The following RALA variants were observed in gnomAD, a reference collection of about 807,000 sequenced individuals.
RALA encodes ras-related protein Ral-A.
In RALA, 5 loss-of-function variants were observed where a neutral mutation model predicts 24.0. The observed-to-expected ratio is 0.21, with a 90% confidence interval of 0.11 to 0.44. RALA has a LOEUF of 0.44. Ranked by LOEUF, RALA falls within the 20% of genes least tolerant of loss-of-function variation. The probability of loss-of-function intolerance (pLI) is 0.99; values close to 1 mark genes in which losing one functional copy is unlikely to be tolerated. For missense variants in RALA, 95 were observed against 241.2 expected, an observed-to-expected ratio of 0.39 and a Z score of 4.01; for synonymous variants, 77 against 83.8, an observed-to-expected ratio of 0.92 and a Z score of 0.44.
intron 1 of RALA, among the ~76,000 whole-genome samples, chr7:39,630,998 GT>G (rs1228457011): frequency 8.2e-5 from 11 of 133,416 alleles, no homozygotes; most frequent in Non-Finnish European, 1.6e-5. Flanking sequence ...TTCATTGCTG[GT>G]TTTTTGTTTT....
At chr7:39,637,119 AGG>A (rs763714112) in intron 1 of RALA, among the ~76,000 whole-genome samples, 24 of 152,226 alleles carry the variant, frequency 1.6e-4, no homozygotes, top group Admixed American at 9.2e-4. Context: ...AGAGTAATGA[AGG>A]GGAATTATTC....
intron 4 of RALA, chr7:39,697,264 G>A: frequency 4.9e-6 from 2 of 406,818 alleles, no homozygotes; most frequent in South Asian, 3.6e-5. Flanking sequence ...TACCTCCCAA[G>A]ATGAAGAAGC....
At chr7:39,697,327 T>G (rs547602222) in intron 4 of RALA, 179 of 456,456 alleles carry the variant, frequency 3.9e-4, no homozygotes, top group Non-Finnish European at 1.2e-4. Flanking sequence ...CTCCCCACCC[T>G]CAACCTTTGT....
chr7:39,667,541 A>C (rs1792306494), intron 1 of RALA, among the ~76,000 whole-genome samples: 2 of 152,212 alleles, frequency 1.3e-5, no homozygotes, highest in South Asian at 4.1e-4. Flanking sequence ...CTGTAGGGGG[A>C]ATCTCTTCTT....
rs776867160 is a variant in RALA at position 39,686,739 on chromosome 7, C to T, written c.72C>T (p.Gly24=). 17 of 1,613,860 alleles carry T rather than the reference C, an allele frequency of 1.1e-5. No individual in the cohort carries two copies. The highest frequency in any genetic ancestry group is 8.8e-5 in the South Asian group (8 of 91,076). ...AAGTCATCATGGTGGGCAGTGGTGG[C>T]GTGGGCAAGTCAGCTCTGACTCTAC... The part of the protein sequence containing the change: ...LHKVIMVGSG[G]VGKSALTLQF... The change falls in exon 2 of 5, where the codon GGC becomes GGT. Residue 24 remains glycine (G), a synonymous_variant. Transcript: ENST00000005257.
At chr7:39,659,912 TG>T (rs1244750923) in intron 1 of RALA, among the ~76,000 whole-genome samples, 2 of 152,202 alleles carry the variant, frequency 1.3e-5, no homozygotes, top group African/African-American at 4.8e-5. Context: ...TGTATAAAAA[TG>T]ACTCTCAAAA....
At position 39,630,045 on chromosome 7, in the gene RALA, C is replaced by CT. The variant is rs983570729; in HGVS notation, c.-38+6228dup. 1.7e-4 allele frequency among the ~76,000 whole-genome samples: 25 copies of CT among 151,006 alleles called. 1 individual carries two copies. In the East Asian group the frequency reaches 4.5e-3, roughly 27 times the overall value. On this transcript the variant is annotated intron_variant, in intron 1 of 4. Transcript: ENST00000005257. Reference sequence around the variant, plus strand: ...TGCCGAGCTTTCTTTTACTTTTTTTCTTTTTTTTGAGACAGAGTCTTGCTG... The same window carrying CT: ...TGCCGAGCTTTCTTTTACTTTTTTTCTTTTTTTTTGAGACAGAGTCTTGCTG...
chr7:39,668,015 A>G (rs1380457619), intron 1 of RALA, among the ~76,000 whole-genome samples: 1 of 152,270 alleles, frequency 6.6e-6, no homozygotes, highest in Non-Finnish European at 1.5e-5. Context: ...CAATGGTGAC[A>G]TGAAATTACA....
At chr7:39,662,122 C>T (rs538243193) in intron 1 of RALA, among the ~76,000 whole-genome samples, 2 of 152,142 alleles carry the variant, frequency 1.3e-5, no homozygotes, top group Admixed American at 1.3e-4. Context: ...CCCTAGGCTA[C>T]ACACAGCATG....
intron 1 of RALA, among the ~76,000 whole-genome samples, chr7:39,643,497 G>A (rs539989749): frequency 8.5e-5 from 13 of 152,214 alleles, no homozygotes; most frequent in African/African-American, 2.9e-4. Flanking sequence ...GAGGCAGGCG[G>A]ATCACTTGAG....
chr7:39,695,595 G>T (rs917349022), intron 3 of RALA, among the ~76,000 whole-genome samples: 1 of 151,768 alleles, frequency 6.6e-6, no homozygotes, highest in African/African-American at 2.4e-5. Context: ...TAGATATGGG[G>T]GTCTCACTGT....
At chr7:39,695,159 T>C (rs1207358015) in intron 3 of RALA, among the ~76,000 whole-genome samples, 1 of 152,064 alleles carries the variant, frequency 6.6e-6, no homozygotes, top group Admixed American at 6.6e-5. Context: ...TATTCTAAAA[T>C]ATAGTCGTCC....
At chr7:39,697,763 A>T (rs1187143733) in intron 4 of RALA, among the ~76,000 whole-genome samples, 2 of 151,966 alleles carry the variant, frequency 1.3e-5, no homozygotes, top group Non-Finnish European at 2.9e-5. Context: ...TACTAGGTTA[A>T]AAAAAAAGTT....
intron 1 of RALA, among the ~76,000 whole-genome samples, chr7:39,662,166 A>G: frequency 6.6e-6 from 1 of 151,706 alleles, no homozygotes; most frequent in Non-Finnish European, 1.5e-5. Context: ...TTTTGAAACC[A>G]TTTTTTCCTC....
In RALA at chr7:39,706,386, CA is replaced by C; in HGVS notation, c.*143del. The C allele has an allele frequency of 1.2e-6, 1 of 848,456 alleles. No homozygotes were observed. The highest frequency in any genetic ancestry group is 1.8e-6 in the Non-Finnish European group (1 of 552,436). The allele number at this position is 848,456 out of a possible 1,614,324, so 52.6% of individuals were successfully genotyped here. A position where few individuals can be genotyped will look rare whatever the true frequency, so the allele number is the denominator to read the frequency against. ...TCACTAAAAGCATGAATTGGAACTG[CA>C]ATGAAAGTCAAATTTACTTTAAAAA... On this transcript the variant is annotated 3_prime_UTR_variant, in exon 5 of 5. Coordinates refer to ENST00000005257, the MANE Select transcript of RALA (RefSeq NM_005402.4).
intron 4 of RALA, chr7:39,697,276 C>T: frequency 1.9e-5 from 8 of 427,448 alleles, no homozygotes; most frequent in South Asian, 1.4e-4. Flanking sequence ...TGAAGAAGCC[C>T]CCAGATAAGA....
chr7:39,689,390 A>T (rs777759969), intron 2 of RALA, among the ~76,000 whole-genome samples: 9 of 152,228 alleles, frequency 5.9e-5, no homozygotes, highest in Non-Finnish European at 1.3e-4. Context: ...CACTGTGTCC[A>T]TTTTTAAAAT....
chr7:39,659,688 T>C (rs1030984576), intron 1 of RALA, among the ~76,000 whole-genome samples: 9 of 152,162 alleles, frequency 5.9e-5, no homozygotes, highest in Non-Finnish European at 1.2e-4. Context: ...TCTGGGTAAA[T>C]AGGCACTAAA....
chr7:39,675,279 C>T (rs925603363), intron 1 of RALA, among the ~76,000 whole-genome samples: 4 of 152,134 alleles, frequency 2.6e-5, no homozygotes, highest in Admixed American at 6.5e-5. Flanking sequence ...GTATTGGGCA[C>T]TTGCGTTTTG....
Sources: gnomAD v4.1 joint callset for allele counts (sites outside exome capture counted in the v4.1 genomes callset) on GRCh38, gnomAD v4.1.1 for gene constraint, MANE v1.5 for transcripts, NCBI Gene and HGNC (gene_info 2026-07-23, HGNC 2026-07-21) for gene names.